Variants in CDK5RAP1 observed in about 807,000 individuals in gnomAD.
CDK5RAP1 encodes mitochondrial tRNA methylthiotransferase CDK5RAP1.
In CDK5RAP1, 62 loss-of-function variants were observed where a neutral mutation model predicts 64.5. The observed-to-expected ratio is 0.96, with a 90% CI of 0.78 to 1.19. CDK5RAP1 has a LOEUF of 1.19. Ranked by LOEUF, CDK5RAP1 falls within the 50% of genes most tolerant of loss-of-function variation. The pLI, the probability that CDK5RAP1 is intolerant of heterozygous loss-of-function variation, is 0.00. For synonymous variants in CDK5RAP1, 250 were observed against 261.9 expected (o/e 0.95, Z 0.44); for missense variants, 657 against 735.0 (o/e 0.89, Z 1.23).
Position 33,366,997 on chromosome 20 carries a change from T to G in CDK5RAP1, c.1404A>C (p.Ala468=). ...FAYSMRQKTR[A]YHRLKDDVPE... is the part of the protein sequence containing the mutation. ...GGACATCATCCTTCAGCCTATGATA[T>G]GCCCGTGTCTTCTATTAAAAAAAAA... The change falls in exon 12 of 14, where the codon GCA becomes GCC. Residue 468 remains alanine (A), a synonymous_variant. Transcript: ENST00000346416. 1 of 1,599,678 alleles carries G rather than the reference T, an allele frequency of 6.3e-7. No individual in the cohort carries two copies. Among genetic ancestry groups the G allele is most frequent in the Non-Finnish European group, 8.5e-7 (1 of 1,176,130 alleles).
chr20:33,378,201 G>A (rs900237932), intron 8 of CDK5RAP1, among the ~76,000 whole-genome samples: 9 of 152,168 alleles, frequency 5.9e-5, no homozygotes, highest in Non-Finnish European at 7.3e-5. Flanking sequence ...GCACTTTAGA[G>A]GCCATTGTAG....
At chr20:33,384,512 C>T (rs1333145844) in intron 7 of CDK5RAP1, among the ~76,000 whole-genome samples, 4 of 152,022 alleles carry the variant, frequency 2.6e-5, no homozygotes, top group African/African-American at 7.3e-5. Context: ...AGGGGAGCAG[C>T]TAGGGGCCAA....
chr20:33,372,913 C>T (rs1985308077), intron 9 of CDK5RAP1: 2 of 201,200 alleles, frequency 9.9e-6, no homozygotes, highest in Non-Finnish European at 1.9e-5. Context: ...AGGACATAAA[C>T]TTTTTTTTTT....
chr20:33,372,329 A>C (rs919945841), intron 10 of CDK5RAP1, among the ~76,000 whole-genome samples: 1 of 152,068 alleles, frequency 6.6e-6, no homozygotes, highest in Non-Finnish European at 1.5e-5. Flanking sequence ...TAATTTAGAC[A>C]TAACTTTGTC....
At chr20:33,360,623 T>C (rs1286703473) in intron 12 of CDK5RAP1, 132 bp from the exon 13 acceptor site, 8 of 758,416 alleles carry the variant, frequency 1.1e-5, no homozygotes, top group South Asian at 5.7e-5. Context: ...AAGGAATCAC[T>C]GAAGACTCAG....
intron 11 of CDK5RAP1, among the ~76,000 whole-genome samples, chr20:33,367,905 G>A (rs972473703): frequency 6.6e-6 from 1 of 152,206 alleles, no homozygotes; most frequent in Non-Finnish European, 1.5e-5. Context: ...CTACCTTGAA[G>A]AGAAGTATCC....
At chr20:33,383,307 T>TAATTTTC (rs1285816025) in intron 7 of CDK5RAP1, among the ~76,000 whole-genome samples, 2 of 151,426 alleles carry the variant, frequency 1.3e-5, no homozygotes, top group African/African-American at 2.4e-5. Context: ...ACGTTTTCAA[T>TAATTTTC]AAGAAAAAAA....
intron 9 of CDK5RAP1, 174 bp from the exon 10 acceptor site, chr20:33,372,871 A>C: frequency 2.1e-6 from 1 of 467,094 alleles, no homozygotes; most frequent in Non-Finnish European, 3.8e-6. Context: ...TGTATCTTCT[A>C]ATCTAATCTA....
At chr20:33,361,660 A>G (rs1982938682) in intron 12 of CDK5RAP1, among the ~76,000 whole-genome samples, 1 of 147,376 alleles carries the variant, frequency 6.8e-6, no homozygotes, top group Non-Finnish European at 1.5e-5. Flanking sequence ...CCAGAGAATA[A>G]AAAAGTTTTT....
intron 8 of CDK5RAP1, among the ~76,000 whole-genome samples, chr20:33,374,884 G>A (rs978826250): frequency 2.6e-5 from 4 of 151,652 alleles, no homozygotes; most frequent in East Asian, 2.0e-4. Flanking sequence ...ATACCATCAG[G>A]TCAGGTGTCA....
intron 10 of CDK5RAP1, 148 bp downstream of exon 10, chr20:33,372,494 A>G: frequency 2.1e-6 from 1 of 483,326 alleles, no homozygotes; most frequent in Admixed American, 3.9e-5. Flanking sequence ...AAAAGAAAGA[A>G]TACGAGGAGA....
At chr20:33,388,613 GTCTCCCTCTCTTTCCACTGTCTCCC>G (rs1359178652) in intron 5 of CDK5RAP1, among the ~76,000 whole-genome samples, 9 of 125,762 alleles carry the variant, frequency 7.2e-5, no homozygotes, top group Admixed American at 5.5e-4. Flanking sequence ...CACAGTCTCC[GTCTCCCTCTCTTTCCACTGTCTCCC>G]TCTCCCTCTC....
intron 5 of CDK5RAP1, among the ~76,000 whole-genome samples, chr20:33,389,622 G>A (rs1988050265): frequency 6.6e-6 from 1 of 150,812 alleles, no homozygotes; most frequent in Non-Finnish European, 1.5e-5. Context: ...GCCCCGTCCA[G>A]GAGGTGGGGG....
intron 8 of CDK5RAP1, among the ~76,000 whole-genome samples, chr20:33,376,328 A>G (rs1985992992): frequency 2.0e-5 from 3 of 152,192 alleles, no homozygotes; most frequent in Admixed American, 2.0e-4. Context: ...AGTCTCGAAA[A>G]AAAATAAAAA....
intron 1 of CDK5RAP1, among the ~76,000 whole-genome samples, chr20:33,400,311 G>T (rs1989284706): frequency 6.6e-6 from 1 of 152,214 alleles, no homozygotes; most frequent in African/African-American, 2.4e-5. Context: ...TTTCCAATGA[G>T]ATGACCTGCC....
chr20:33,360,210 A>G lies in CDK5RAP1; in HGVS notation c.1683+141T>C, dbSNP rs1301659319. The G allele has an allele frequency of 1.3e-5, 9 of 707,944 alleles. No homozygotes were observed. The African/African-American group carries it at 1.4e-4, about 11-fold the overall frequency. 43.9% of individuals were successfully genotyped at this position (707,944 alleles called of 1,614,324 possible). ...TAAGGAGCAGTCTAAAATCCAATCC[A>G]AAGTGCCCTTCCATTGTACTGGTTG... On this transcript the variant is annotated intron_variant, in intron 13 of 13. Coordinates refer to ENST00000346416, the MANE Select transcript of CDK5RAP1 (RefSeq NM_016408.4).
chr20:33,392,363 C>A, intron 4 of CDK5RAP1, 121 bp from the exon 5 acceptor site: 1 of 472,010 alleles, frequency 2.1e-6, no homozygotes, highest in Non-Finnish European at 3.7e-6. Flanking sequence ...CTTTTCCAAC[C>A]TGCAGCCCAC....
rs1336455108 is a variant in CDK5RAP1 at position 33,370,552 on chromosome 20, G to C, written c.1339C>G (p.Leu447Val). 1 of 1,614,186 alleles carries C rather than the reference G, an allele frequency of 6.2e-7. No homozygotes were observed. The change falls in exon 11 of 14, where the codon CTC (leucine) becomes GTC (valine). Residue 447 changes from leucine (L) to valine (V), a missense_variant. Physicochemically the swap from Leu to Val is conservative, Grantham distance 32. Transcript: ENST00000346416. ...CCCATGTTGTACTGAACTTCCCGGA[G>C]CAAAGAGACTGTCTGGACGTGATCT... is the stretch of plus-strand genomic sequence containing the variant. Reference protein sequence around the residue: ...EEDHVQTVSLLREVQYNMGFL... With the variant: ...EEDHVQTVSLVREVQYNMGFL...
intron 11 of CDK5RAP1, among the ~76,000 whole-genome samples, chr20:33,367,247 C>T (rs1984158734): frequency 6.6e-6 from 1 of 152,098 alleles, no homozygotes. Context: ...ATCATAGACT[C>T]AAAATTACTC....
Sources: allele counts gnomAD v4.1 joint callset (sites outside exome capture counted in the v4.1 genomes callset), GRCh38; gene constraint gnomAD v4.1.1; transcripts MANE v1.5; gene names NCBI Gene and HGNC (gene_info 2026-07-23, HGNC 2026-07-21).